The following LARP1B variants were observed in gnomAD, a reference collection of about 807,000 sequenced individuals.
The protein encoded by LARP1B is la-related protein 1B.
In LARP1B, 76 loss-of-function variants were observed where a neutral mutation model predicts 114.2. That is an observed-to-expected ratio of 0.67 (90% CI 0.55 to 0.81). LARP1B has a LOEUF of 0.81. Ranked by LOEUF, LARP1B falls within the 30% of genes least tolerant of loss-of-function variation. The pLI, the probability that LARP1B is intolerant of heterozygous loss-of-function variation, is 0.00. For missense variants in LARP1B, 1,014 were observed against 1,075.8 expected, an observed-to-expected ratio of 0.94 and a Z score of 0.80; for synonymous variants, 345 against 348.0, an observed-to-expected ratio of 0.99 and a Z score of 0.10.
intron 11 of LARP1B, among the ~76,000 whole-genome samples, chr4:128,160,012 A>G (rs868702007): frequency 6.6e-6 from 1 of 152,246 alleles, no homozygotes; most frequent in Non-Finnish European, 1.5e-5. Flanking sequence ...CAGTGTATTC[A>G]TATGGTAGGA....
At chr4:128,112,420 C>A (rs1196506043) in intron 9 of LARP1B, among the ~76,000 whole-genome samples, 2 of 150,560 alleles carry the variant, frequency 1.3e-5, no homozygotes, top group African/African-American at 4.9e-5. Context: ...TCAGGACTAG[C>A]CACATTTGAA....
At chr4:128,087,902 C>G (rs1046223844) in intron 5 of LARP1B, among the ~76,000 whole-genome samples, 3 of 151,648 alleles carry the variant, frequency 2.0e-5, no homozygotes, top group African/African-American at 7.3e-5. Context: ...GAAAAATTGA[C>G]TTTTTTTCTA....
At chr4:128,189,262 CT>C (rs71587374) in intron 15 of LARP1B, among the ~76,000 whole-genome samples, 4,633 of 85,776 alleles carry the variant, frequency 0.054, 355 homozygotes, top group African/African-American at 0.2. Flanking sequence ...CTTCCGTGTC[CT>C]TTTTTTTTTT....
intron 1 of LARP1B, chr4:128,061,732 G>A (rs980796936): frequency 2.7e-5 from 27 of 984,868 alleles, no homozygotes; most frequent in Non-Finnish European, 3.1e-5. Flanking sequence ...CCCATTCTCG[G>A]GAGGATCCGC....
intron 1 of LARP1B, among the ~76,000 whole-genome samples, chr4:128,063,059 C>G (rs192260172): frequency 2.0e-4 from 30 of 152,248 alleles, no homozygotes; most frequent in African/African-American, 7.0e-4. Flanking sequence ...TAAGATTATG[C>G]CACTATATTT....
At chr4:128,065,584 A>G (rs190288052) in intron 1 of LARP1B, among the ~76,000 whole-genome samples, 5 of 152,062 alleles carry the variant, frequency 3.3e-5, no homozygotes, top group Admixed American at 3.3e-4. Flanking sequence ...TAACTTAGAT[A>G]AAAGAGATTG....
intron 7 of LARP1B, among the ~76,000 whole-genome samples, chr4:128,094,400 CTTTTTTTTTTTTT>C (rs776529101): frequency 7.8e-6 from 1 of 128,742 alleles, no homozygotes; most frequent in African/African-American, 2.9e-5. Context: ...TTTTCTTTTT[CTTTTTTTTTTTTT>C]TTTTTGAGAC....
chr4:128,072,062 C>T (rs1435008218), intron 1 of LARP1B, among the ~76,000 whole-genome samples: 7 of 151,786 alleles, frequency 4.6e-5, no homozygotes, highest in Non-Finnish European at 5.9e-5. Context: ...TGTGGTGGTG[C>T]GATCTCGGCT....
chr4:128,121,847 G>A lies in LARP1B; in HGVS notation c.1183G>A (p.Gly395Arg). The A allele has an allele frequency of 6.3e-7, 1 of 1,594,424 alleles. No homozygotes were observed. Among genetic ancestry groups the A allele is most frequent in the Non-Finnish European group, 8.5e-7 (1 of 1,171,122 alleles). The change falls in exon 11 of 20, where the codon GGG becomes AGG. Residue 395 changes from glycine to arginine, a missense_variant. Transcript: ENST00000326639. ...TCAGGAATCAGTGTCTGTCCCTGAA[G>A]GGTCATTAAATCAGCTATGTTCTTC... The part of the protein sequence containing the change: ...KLRESVSVPE[G>R]SLNQLCSSEE...
chr4:128,221,243 A>G (rs1476129325), intron 7 of LARP1B, among the ~76,000 whole-genome samples: 2 of 152,348 alleles, frequency 1.3e-5, no homozygotes, highest in South Asian at 4.1e-4. Context: ...TCCTAGAATT[A>G]GATAAGGTAA....
chr4:128,163,765 GTTATTA>G (rs201477688), intron 12 of LARP1B, among the ~76,000 whole-genome samples: 1 of 151,900 alleles, frequency 6.6e-6, no homozygotes, highest in Non-Finnish European at 1.5e-5. Flanking sequence ...TTCTATTACA[GTTATTA>G]TTATTATTAT....
At chr4:128,117,064 A>G (rs1232913562) in intron 10 of LARP1B, among the ~76,000 whole-genome samples, 1 of 151,856 alleles carries the variant, frequency 6.6e-6, no homozygotes, top group Non-Finnish European at 1.5e-5. Context: ...GGTGTGTGCT[A>G]TCATGCCCAG....
intron 7 of LARP1B, among the ~76,000 whole-genome samples, chr4:128,221,889 T>TA (rs1448663210): frequency 3.9e-5 from 6 of 152,186 alleles, no homozygotes; most frequent in African/African-American, 4.8e-5. Context: ...AAATTACACT[T>TA]ACCTCATAGT....
In LARP1B at chr4:128,098,221, ACTT is replaced by A. The variant is rs1778780570; in HGVS notation, c.708_710del (p.Phe237del). On this transcript the variant is annotated inframe_deletion, in exon 8 of 20. Coordinates refer to ENST00000326639, the MANE Select transcript of LARP1B (RefSeq NM_018078.4). ...TTCAGTGTAGAAAATTTGGAACGAG[ACTT>A]CTTTCTTCGGGGAAAGATGGATGAA... The A allele has an allele frequency of 6.2e-7, 1 of 1,612,600 alleles. No individual in the cohort carries two copies. The highest frequency in any genetic ancestry group is 8.5e-7 in the Non-Finnish European group (1 of 1,178,710).
At chr4:128,144,631 G>C (rs1729530088) in intron 11 of LARP1B, among the ~76,000 whole-genome samples, 2 of 151,708 alleles carry the variant, frequency 1.3e-5, no homozygotes, top group African/African-American at 4.8e-5. Context: ...CGCCATGCCT[G>C]GTTCTTTCTG....
intron 10 of LARP1B, among the ~76,000 whole-genome samples, chr4:128,116,562 T>C (rs557514038): frequency 2.4e-4 from 37 of 152,236 alleles, no homozygotes; most frequent in African/African-American, 7.7e-4. Flanking sequence ...GTTTTAAAAG[T>C]ATAAGGAGAA....
In LARP1B at chr4:128,091,401, C is replaced by G; in HGVS notation, c.557C>G (p.Pro186Arg). The G allele has an allele frequency of 6.2e-7, 1 of 1,612,188 alleles. No homozygotes were observed. Among genetic ancestry groups the G allele is most frequent in the Middle Eastern group, 1.7e-4 (1 of 6,050 alleles). The change falls in exon 7 of 20, where the codon CCA (proline) becomes CGA (arginine). Residue 186 changes from proline (P) to arginine (R), a missense_variant. Transcript: ENST00000326639. Reference sequence around the variant, plus strand: ...GAACATGGTGAAAGGACTGATCAACCATTTCAAACAGAACTTAATACCAGT... The same window carrying G: ...GAACATGGTGAAAGGACTGATCAACGATTTCAAACAGAACTTAATACCAGT... ...YQEHGERTDQ[P>R]FQTELNTSMM...
intron 12 of LARP1B, among the ~76,000 whole-genome samples, chr4:128,166,640 A>C (rs879784482): frequency 7.2e-5 from 11 of 151,754 alleles, no homozygotes; most frequent in Non-Finnish European, 1.5e-4. Flanking sequence ...GTTATTAGCT[A>C]TGGCCCTCAG....
chr4:128,136,367 TA>T (rs1725328240), intron 11 of LARP1B, among the ~76,000 whole-genome samples: 1 of 150,980 alleles, frequency 6.6e-6, no homozygotes, highest in East Asian at 1.9e-4. Flanking sequence ...AAAACTTACA[TA>T]TTAGTAGCAG....
Sources: gnomAD v4.1 joint callset for allele counts (sites outside exome capture counted in the v4.1 genomes callset) on GRCh38, gnomAD v4.1.1 for gene constraint, MANE v1.5 for transcripts, NCBI Gene and HGNC (gene_info 2026-07-23, HGNC 2026-07-21) for gene names.